RIMS1: variants seen among roughly 807,000 people sequenced by gnomAD.
RIMS1 encodes the protein regulating synaptic membrane exocytosis 1.
Under a neutral mutation model 214.1 loss-of-function variants are expected in RIMS1, and 83 were observed. The ratio of observed to expected loss-of-function variants is 0.39; its 90% CI spans 0.32 to 0.47. RIMS1 has a LOEUF of 0.47. Among genes scored for constraint, RIMS1 ranks in the 20% least tolerant of loss-of-function variants. RIMS1 has a pLI of 0.99. For synonymous variants in RIMS1, 793 were observed against 786.8 expected (o/e 1.01, Z -0.13); for missense variants, 2,050 against 2,161.8 (o/e 0.95, Z 1.03).
At chr6:72,123,221 C>T (rs374692026) in intron 4 of RIMS1, among the ~76,000 whole-genome samples, 3 of 151,902 alleles carry the variant, frequency 2.0e-5, no homozygotes, top group East Asian at 1.9e-4. Flanking sequence ...GCCTTCATTT[C>T]GTTATTTACC....
At chr6:71,967,662 T>C (rs1343929576) in intron 1 of RIMS1, among the ~76,000 whole-genome samples, 1 of 152,222 alleles carries the variant, frequency 6.6e-6, no homozygotes, top group Non-Finnish European at 1.5e-5. Flanking sequence ...CTCACATCTC[T>C]TGACCAATTC....
intron 26 of RIMS1, among the ~76,000 whole-genome samples, chr6:72,298,661 G>T (rs928460886): frequency 1.2e-4 from 18 of 152,014 alleles, no homozygotes; most frequent in Non-Finnish European, 1.8e-4. Context: ...CTGTGAGGCA[G>T]AACCAGATTT....
intron 29 of RIMS1, among the ~76,000 whole-genome samples, chr6:72,363,617 C>CT (rs1156912810): frequency 6.6e-6 from 1 of 152,062 alleles, no homozygotes; most frequent in Non-Finnish European, 1.5e-5. Context: ...GACAATGACT[C>CT]TTTTTTAAAA....
intron 28 of RIMS1, among the ~76,000 whole-genome samples, chr6:72,317,659 G>C (rs1472832199): frequency 6.6e-6 from 1 of 152,078 alleles, no homozygotes; most frequent in South Asian, 2.1e-4. Context: ...CTTCAATTCA[G>C]TAAGGCAATA....
chr6:72,168,894 A>G (rs1025426656), intron 4 of RIMS1, among the ~76,000 whole-genome samples: 1 of 152,050 alleles, frequency 6.6e-6, no homozygotes, highest in African/African-American at 2.4e-5. Flanking sequence ...ATGTCTGTCT[A>G]CTGTAACAAG....
rs1057519205 is a variant in RIMS1 at position 72,265,053 on chromosome 6, G to A, written c.3194+1G>A. 2 of 1,568,126 alleles carry A rather than the reference G, an allele frequency of 1.3e-6. No individual in the cohort carries two copies. The highest frequency in any genetic ancestry group is 1.7e-4 in the Middle Eastern group (1 of 5,976). On this transcript the variant is annotated splice_donor_variant, in intron 20 of 33. Transcript: ENST00000521978. LOFTEE classifies it high-confidence loss of function. Reference sequence around the variant, plus strand: ...GCAGTTCTCACTGGAATATTTACAGGTAAGAGCCCTAACAGTGAGTCCCAC... The same window carrying A: ...GCAGTTCTCACTGGAATATTTACAGATAAGAGCCCTAACAGTGAGTCCCAC...
intron 6 of RIMS1, among the ~76,000 whole-genome samples, chr6:72,188,411 A>G (rs1028876176): frequency 2.0e-5 from 3 of 152,260 alleles, no homozygotes; most frequent in African/African-American, 4.8e-5. Flanking sequence ...ATGCTGTTAC[A>G]TAGAGTTAAC....
At chr6:72,042,989 G>A (rs1016858477) in intron 2 of RIMS1, among the ~76,000 whole-genome samples, 2 of 151,776 alleles carry the variant, frequency 1.3e-5, no homozygotes, top group African/African-American at 4.8e-5. Flanking sequence ...AATCACCCAA[G>A]AGCTAGCTTC....
chr6:71,988,906 A>G (rs1220653391), intron 2 of RIMS1, among the ~76,000 whole-genome samples: 2 of 152,256 alleles, frequency 1.3e-5, no homozygotes, highest in African/African-American at 4.8e-5. Context: ...ACAGCATCAT[A>G]TATACATGCC....
rs78694030 is a variant in RIMS1, at chr6:72,146,487, A to G, written c.472-33088A>G. Reference sequence around the variant, plus strand: ...AGTTTGACCATGAGGTGAAATTCTTATAAATCTTTTATAAACCTTTACAAA... The same window carrying G: ...AGTTTGACCATGAGGTGAAATTCTTGTAAATCTTTTATAAACCTTTACAAA... On this transcript the variant is annotated intron_variant, in intron 4 of 33. Coordinates refer to ENST00000521978, the MANE Select transcript of RIMS1 (RefSeq NM_014989.7). Among the ~76,000 whole-genome samples the G allele has an allele frequency of 3.0e-3, 452 of 152,348 alleles. 1 individual carries two copies. The highest frequency in any genetic ancestry group is 0.024 in the Middle Eastern group (7 of 294).
chr6:72,388,279 A>G (rs1450629176), intron 29 of RIMS1, among the ~76,000 whole-genome samples: 1 of 152,200 alleles, frequency 6.6e-6, no homozygotes, highest in Non-Finnish European at 1.5e-5. Context: ...GTCAGAAGAG[A>G]CAAACAGAAG....
At chr6:71,944,512 A>AAT (rs1171024708) in intron 1 of RIMS1, among the ~76,000 whole-genome samples, 2 of 152,140 alleles carry the variant, frequency 1.3e-5, no homozygotes, top group African/African-American at 4.8e-5. Context: ...AAGATGGAGT[A>AAT]ATATTAGAAA....
At chr6:72,068,393 A>G (rs1308337469) in intron 2 of RIMS1, among the ~76,000 whole-genome samples, 1 of 152,214 alleles carries the variant, frequency 6.6e-6, no homozygotes, top group African/African-American at 2.4e-5. Context: ...AAGCACTGAT[A>G]GATAAAATAT....
intron 17 of RIMS1, 70 bp downstream of exon 17, chr6:72,258,351 A>G (rs892453632): frequency 1.2e-5 from 16 of 1,340,048 alleles, no homozygotes; most frequent in Non-Finnish European, 1.6e-5. Context: ...AATTGCTGCA[A>G]AACTAACTGA....
At chr6:71,915,118 A>G (rs575284776) in intron 1 of RIMS1, among the ~76,000 whole-genome samples, 8 of 152,154 alleles carry the variant, frequency 5.3e-5, no homozygotes, top group Non-Finnish European at 8.8e-5. Flanking sequence ...AAGGCCTTCT[A>G]TTCTTATTTG....
intron 1 of RIMS1, among the ~76,000 whole-genome samples, chr6:71,911,709 ACATAT>A (rs1776988104): frequency 6.6e-6 from 1 of 152,186 alleles, no homozygotes; most frequent in African/African-American, 2.4e-5. Context: ...TTTGCTTAAC[ACATAT>A]CAGTCTAAAG....
intron 4 of RIMS1, among the ~76,000 whole-genome samples, chr6:72,140,183 TA>T (rs1397765684): frequency 1.3e-5 from 2 of 152,162 alleles, no homozygotes; most frequent in African/African-American, 4.8e-5. Context: ...TGACCTTTTT[TA>T]TTTAAAAAAA....
intron 6 of RIMS1, among the ~76,000 whole-genome samples, chr6:72,230,875 A>C (rs992909259): frequency 1.3e-5 from 2 of 151,582 alleles, no homozygotes; most frequent in African/African-American, 4.8e-5. Flanking sequence ...TGAACTTGAG[A>C]CATTTCCATA....
intron 2 of RIMS1, among the ~76,000 whole-genome samples, chr6:72,068,905 C>T (rs1449752600): frequency 1.7e-4 from 21 of 122,992 alleles, no homozygotes; most frequent in Admixed American, 5.8e-4. Context: ...AGCAAGACTC[C>T]GTCTCAAAAA....
Sources: gnomAD v4.1 joint callset for allele counts (sites outside exome capture counted in the v4.1 genomes callset) on GRCh38, gnomAD v4.1.1 for gene constraint, MANE v1.5 for transcripts, NCBI Gene and HGNC (gene_info 2026-07-23, HGNC 2026-07-21) for gene names.